EPHB1: variants seen among roughly 807,000 people sequenced by gnomAD.
EPHB1 encodes the protein EPH receptor B1, also known as ephrin type-B receptor 1.
In EPHB1, 30 loss-of-function variants were observed where a neutral mutation model predicts 94.4. The observed-to-expected ratio is 0.32, with a 90% CI of 0.24 to 0.43. The LOEUF is 0.43. Among genes scored for constraint, EPHB1 ranks in the 20% least tolerant of loss-of-function variants. The pLI, the probability that EPHB1 is intolerant of heterozygous loss-of-function variation, is 1.00. For missense variants in EPHB1, 1,055 were observed against 1,308.3 expected (o/e 0.81, Z 2.99); for synonymous variants, 522 against 489.1 (o/e 1.07, Z -0.89).
At chr3:134,927,603 G>T (rs1360858785) in intron 2 of EPHB1, among the ~76,000 whole-genome samples, 1 of 152,168 alleles carries the variant, frequency 6.6e-6, no homozygotes, top group Non-Finnish European at 1.5e-5. Context: ...TTTTTACAAG[G>T]CCCCAACATA....
chr3:134,970,006 A>G (rs1933905724), intron 3 of EPHB1, among the ~76,000 whole-genome samples: 1 of 152,236 alleles, frequency 6.6e-6, no homozygotes, highest in Non-Finnish European at 1.5e-5. Flanking sequence ...TTTGGATATA[A>G]GTCCTTTTGT....
chr3:135,181,967 C>A (rs1335743721), intron 10 of EPHB1, among the ~76,000 whole-genome samples: 1 of 152,122 alleles, frequency 6.6e-6, no homozygotes, highest in Non-Finnish European at 1.5e-5. Flanking sequence ...AAGACCTCTG[C>A]CCAGTTACTC....
rs1219805064 is a variant in EPHB1 at position 135,028,313 on chromosome 3, T to C, written c.805+76261T>C. On this transcript the variant is annotated intron_variant, in intron 3 of 15. Coordinates refer to ENST00000398015, the MANE Select transcript of EPHB1 (RefSeq NM_004441.5). ...GCTTTTCTAGTTCTTTTAATTGTGA[T>C]GTTAGGGTGTCAATTTTTGATCTCT... 2.1e-5 allele frequency among the ~76,000 whole-genome samples: 3 copies of C among 144,454 alleles called. No homozygotes were observed. In the South Asian group the frequency reaches 6.6e-4, roughly 32 times the overall value. 94.8% of individuals were successfully genotyped at this position (144,454 alleles called of 152,430 possible). A position where few individuals can be genotyped will look rare whatever the true frequency, so the allele number is the denominator to read the frequency against.
At chr3:134,857,705 G>C (rs1056784591) in intron 1 of EPHB1, among the ~76,000 whole-genome samples, 2 of 152,108 alleles carry the variant, frequency 1.3e-5, no homozygotes, top group East Asian at 3.9e-4. Context: ...GTGACACCAA[G>C]TACATTCCAA....
chr3:134,803,420 T>C (rs1322100356), intron 1 of EPHB1, among the ~76,000 whole-genome samples: 4 of 152,104 alleles, frequency 2.6e-5, no homozygotes, highest in Non-Finnish European at 5.9e-5. Context: ...CTGGGACTGA[T>C]TACGGGGGCC....
At chr3:134,893,152 C>G (rs1443073903) in intron 1 of EPHB1, among the ~76,000 whole-genome samples, 1 of 152,162 alleles carries the variant, frequency 6.6e-6, no homozygotes, top group Non-Finnish European at 1.5e-5. Context: ...TGCTGATGGT[C>G]CCAGGGGGTG....
intron 12 of EPHB1, among the ~76,000 whole-genome samples, chr3:135,234,577 T>A (rs1943604859): frequency 6.6e-6 from 1 of 152,220 alleles, no homozygotes; most frequent in African/African-American, 2.4e-5. Flanking sequence ...TAGTCTGTTC[T>A]CACACTGCTA....
At chr3:135,229,249 G>A (rs994115370) in intron 12 of EPHB1, among the ~76,000 whole-genome samples, 3 of 152,284 alleles carry the variant, frequency 2.0e-5, no homozygotes, top group East Asian at 1.9e-4. Flanking sequence ...CTCCTCATAC[G>A]CCCCTCTGAG....
At position 135,178,639 on chromosome 3, in the gene EPHB1, G is replaced by T. The variant is rs1388407673; in HGVS notation, c.1760-1221G>T. Among the ~76,000 whole-genome samples the T allele has an allele frequency of 1.3e-5, 2 of 152,008 alleles. 1 individual carries two copies. Among genetic ancestry groups the T allele is most frequent in the Admixed American group, 1.3e-4 (2 of 15,258 alleles). ...TGGAAAATGTCAAAACTAGAGCTGG[G>T]GGTCACCAGGGAACAAGCTGTAGTG... On this transcript the variant is annotated intron_variant, in intron 9 of 15. Coordinates refer to ENST00000398015, the MANE Select transcript of EPHB1 (RefSeq NM_004441.5).
intron 5 of EPHB1, among the ~76,000 whole-genome samples, chr3:135,143,089 A>C (rs1455873100): frequency 6.6e-6 from 1 of 151,706 alleles, no homozygotes; most frequent in African/African-American, 2.4e-5. Context: ...GCTCTTCCTT[A>C]ATGCAGGCAT....
intron 11 of EPHB1, among the ~76,000 whole-genome samples, 195 bp downstream of exon 11, chr3:135,193,018 G>A (rs115433434): frequency 0.013 from 1,965 of 152,262 alleles, 39 homozygotes; most frequent in African/African-American, 0.046. Context: ...GGAGGAGGAT[G>A]GCATGGAGTA....
intron 3 of EPHB1, among the ~76,000 whole-genome samples, chr3:134,987,637 G>A (rs1043357803): frequency 6.6e-6 from 1 of 152,150 alleles, no homozygotes; most frequent in Non-Finnish European, 1.5e-5. Context: ...TAGGTGTGGT[G>A]GCACGCGCTT....
intron 12 of EPHB1, among the ~76,000 whole-genome samples, chr3:135,237,542 C>G (rs1021252546): frequency 6.6e-6 from 1 of 152,008 alleles, no homozygotes; most frequent in South Asian, 2.1e-4. Context: ...GTGACCCCTG[C>G]GGCAGCTCTA....
intron 1 of EPHB1, among the ~76,000 whole-genome samples, chr3:134,895,783 C>G (rs1259143010): frequency 6.6e-6 from 1 of 152,146 alleles, no homozygotes; most frequent in Non-Finnish European, 1.5e-5. Context: ...AAGAGCGAGC[C>G]AGGTTTATCT....
chr3:135,087,522 T>G (rs575282967), intron 3 of EPHB1, among the ~76,000 whole-genome samples: 3 of 152,336 alleles, frequency 2.0e-5, no homozygotes, highest in African/African-American at 7.2e-5. Flanking sequence ...TGGCATTCAC[T>G]GTTCTGTGCC....
chr3:135,029,987 C>T (rs940908824), intron 3 of EPHB1, among the ~76,000 whole-genome samples: 2 of 151,286 alleles, frequency 1.3e-5, no homozygotes, highest in African/African-American at 4.9e-5. Flanking sequence ...TCTTCCATTA[C>T]TGATACCCTT....
chr3:135,115,567 T>C (rs111621177), intron 4 of EPHB1, among the ~76,000 whole-genome samples: 3,361 of 152,150 alleles, frequency 0.022, 51 homozygotes, highest in Middle Eastern at 0.037. Flanking sequence ...GACGTGCTGA[T>C]TTGATTTTTT....
intron 6 of EPHB1, among the ~76,000 whole-genome samples, chr3:135,154,785 T>C (rs1178042674): frequency 6.6e-6 from 1 of 152,012 alleles, no homozygotes; most frequent in East Asian, 1.9e-4. Flanking sequence ...AACAGAAATA[T>C]AAATTTATAT....
Position 135,061,494 on chromosome 3 carries a change from G to A in EPHB1, c.806-44954G>A, listed in dbSNP as rs564320356. 1.3e-4 allele frequency among the ~76,000 whole-genome samples: 20 copies of A among 151,640 alleles called. No individual in the cohort carries two copies. The South Asian group carries it at 2.5e-3, about 19-fold the overall frequency. ...GTTTTCCATTCCTGAGTTACTTCGCGTAGAATAATAGTCTCCAGTCTCATC... is the reference window on the plus strand; with the variant it reads ...GTTTTCCATTCCTGAGTTACTTCGCATAGAATAATAGTCTCCAGTCTCATC... On this transcript the variant is annotated intron_variant, in intron 3 of 15. Transcript: ENST00000398015.
Sources: allele counts gnomAD v4.1 joint callset (sites outside exome capture counted in the v4.1 genomes callset), GRCh38; gene constraint gnomAD v4.1.1; transcripts MANE v1.5; gene names NCBI Gene and HGNC (gene_info 2026-07-23, HGNC 2026-07-21).